The following ENTPD5 variants were observed in gnomAD, a reference collection of about 807,000 sequenced individuals.
ENTPD5 encodes ectonucleoside triphosphate diphosphohydrolase 5 (inactive).
Under a neutral mutation model 60.2 loss-of-function variants are expected in ENTPD5, and 49 were observed. That is an observed-to-expected ratio of 0.81 (90% CI 0.65 to 1.03). The LOEUF (loss-of-function observed/expected upper bound fraction) is 1.03. Among genes scored for constraint, ENTPD5 ranks in the 50% least tolerant of loss-of-function variants. The pLI is 0.00. For missense variants in ENTPD5, 480 were observed against 507.6 expected (o/e 0.95, Z 0.52); for synonymous variants, 187 against 185.4 (o/e 1.01, Z -0.07).
chr14:73,982,982 G>C, intron 6 of ENTPD5, 36 bp downstream of exon 6: 1 of 1,603,316 alleles, frequency 6.2e-7, no homozygotes, highest in Non-Finnish European at 8.5e-7. Flanking sequence ...ATAGGGAAAA[G>C]GGCAGAATGA....
intron 14 of ENTPD5, 81 bp from the exon 15 acceptor site, chr14:73,970,206 TA>T (rs2057161792): frequency 9.7e-7 from 1 of 1,035,058 alleles, no homozygotes; most frequent in Non-Finnish European, 1.5e-6. Flanking sequence ...AGAAGTGGAA[TA>T]GGGGCCAGGC....
At chr14:73,959,815 C>G (rs1038679922), downstream of ENTPD5, 1 of 1,287,754 alleles carries the variant, frequency 7.8e-7, no homozygotes, top group East Asian at 3.3e-5. Flanking sequence ...AGTGATCTGC[C>G]TGCCTTGGCC....
At chr14:73,972,848 C>T (rs770428643) in intron 13 of ENTPD5, 36 bp downstream of exon 13, 1 of 1,610,552 alleles carries the variant, frequency 6.2e-7, no homozygotes, top group South Asian at 1.1e-5. Flanking sequence ...GCCCTATCCA[C>T]CTTCCTCTCT....
chr14:73,962,976 A>G (rs751984476), downstream of ENTPD5: 4 of 1,609,254 alleles, frequency 2.5e-6, no homozygotes, highest in Admixed American at 6.7e-5. Context: ...CCAGGAACAG[A>G]TTATGGCCTT....
At chr14:73,984,706 ATTAAT>A (rs2057829002) in intron 5 of ENTPD5, among the ~76,000 whole-genome samples, 1 of 151,806 alleles carries the variant, frequency 6.6e-6, no homozygotes, top group East Asian at 1.9e-4. Context: ...TTTTTAATTA[ATTAAT>A]TTATTTATTT....
chr14:73,988,011 T>C lies in ENTPD5; in HGVS notation c.92A>G (p.Glu31Gly). The change falls in exon 4 of 16, where the codon GAG (glutamate) becomes GGG (glycine). Residue 31 changes from glutamate to glycine, a missense_variant. By Grantham distance (98) the Glu-to-Gly change is moderately conservative (BLOSUM62 -2). Transcript: ENST00000334696. ...VSHRNQQTWF[E>G]GIFLSSMCPI... Reference sequence around the variant, plus strand: ...GCACATGGAAGACAGGAAGATACCCTCAAACCAAGTCTGCTGGTTCCTGTG... The same window carrying C: ...GCACATGGAAGACAGGAAGATACCCCCAAACCAAGTCTGCTGGTTCCTGTG... The C allele has an allele frequency of 6.2e-7, 1 of 1,614,150 alleles. No individual in the cohort carries two copies. Among genetic ancestry groups the C allele is most frequent in the Non-Finnish European group, 8.5e-7 (1 of 1,180,038 alleles).
downstream of ENTPD5, chr14:73,959,561 G>T: frequency 6.2e-7 from 1 of 1,614,094 alleles, no homozygotes; most frequent in Non-Finnish European, 8.5e-7. Flanking sequence ...GTGCTGCAGG[G>T]GGAGATACAG....
chr14:74,016,711 A>G (rs552434413), intron 1 of ENTPD5, among the ~76,000 whole-genome samples: 16 of 152,360 alleles, frequency 1.1e-4, no homozygotes, highest in African/African-American at 3.8e-4. Flanking sequence ...GCATACATTA[A>G]TAATCTTGTT....
chr14:73,981,794 G>A (rs1335679349), intron 6 of ENTPD5, among the ~76,000 whole-genome samples: 23 of 139,254 alleles, frequency 1.7e-4, no homozygotes, highest in African/African-American at 5.8e-4. Context: ...AAGACAGAGT[G>A]AGACTCTGTT....
intron 11 of ENTPD5, among the ~76,000 whole-genome samples, 166 bp from the exon 12 acceptor site, chr14:73,974,144 G>T (rs964083766): frequency 1.3e-5 from 2 of 152,080 alleles, no homozygotes; most frequent in African/African-American, 4.8e-5. Context: ...CTTAACTCAG[G>T]GTTCAAAGAT....
intron 3 of ENTPD5, among the ~76,000 whole-genome samples, chr14:73,992,539 T>A (rs1312757279): frequency 6.7e-6 from 1 of 150,180 alleles, no homozygotes; most frequent in East Asian, 2.0e-4. Context: ...CAAAAAAAAA[T>A]TAGGCGTGGT....
intron 15 of ENTPD5, among the ~76,000 whole-genome samples, chr14:73,967,518 A>C (rs2057027056): frequency 6.6e-6 from 1 of 152,116 alleles, no homozygotes; most frequent in African/African-American, 2.4e-5. Context: ...ATAATAACCA[A>C]ACATGGGGCC....
intron 1 of ENTPD5, among the ~76,000 whole-genome samples, chr14:74,018,105 C>T (rs2059107752): frequency 6.6e-6 from 1 of 151,268 alleles, no homozygotes; most frequent in Non-Finnish European, 1.5e-5. Flanking sequence ...TCGCTTGAAC[C>T]AAGGAGGTGG....
chr14:73,985,900 C>T (rs1041271198), intron 5 of ENTPD5, among the ~76,000 whole-genome samples: 7 of 151,770 alleles, frequency 4.6e-5, no homozygotes, highest in East Asian at 1.9e-4. Flanking sequence ...AGTGAAACCC[C>T]GTCTCTACTA....
intron 3 of ENTPD5, among the ~76,000 whole-genome samples, chr14:74,001,987 A>G (rs905785640): frequency 2.6e-5 from 4 of 152,306 alleles, no homozygotes; most frequent in African/African-American, 9.6e-5. Flanking sequence ...GATTGTGGTC[A>G]AAGAAACATA....
In ENTPD5 at chr14:73,986,701, T is replaced by C; in HGVS notation, c.297+113A>G. ...AGATTAGCTGAGGAGAGAAAGCTGA[T>C]CTCACACATGATCTCAATCTCATTA... On this transcript the variant is annotated intron_variant, in intron 5 of 15. Coordinates refer to ENST00000334696, the MANE Select transcript of ENTPD5 (RefSeq NM_001249.5). 3 of 768,618 alleles carry C rather than the reference T, an allele frequency of 3.9e-6. No individual in the cohort carries two copies. In the South Asian group the frequency reaches 4.9e-5, roughly 13 times the overall value. The allele number at this position is 768,618 out of a possible 1,614,324, so 47.6% of individuals were successfully genotyped here.
intron 6 of ENTPD5, among the ~76,000 whole-genome samples, chr14:73,980,836 GCCT>G (rs2057656461): frequency 6.6e-6 from 1 of 152,168 alleles, no homozygotes; most frequent in Non-Finnish European, 1.5e-5. Flanking sequence ...AATGGCTCAT[GCCT>G]GTAATCCCAG....
intron 5 of ENTPD5, among the ~76,000 whole-genome samples, chr14:73,984,706 A>G (rs1261978733): frequency 1.3e-5 from 2 of 151,806 alleles, no homozygotes; most frequent in Admixed American, 1.3e-4. Context: ...TTTTTAATTA[A>G]TTAATTTATT....
chr14:73,962,852 T>G, downstream of ENTPD5: 2 of 890,146 alleles, frequency 2.2e-6, no homozygotes, highest in Non-Finnish European at 3.6e-6. Flanking sequence ...TTTTTCTTTT[T>G]TTAGCTGAAA....
Sources: allele counts gnomAD v4.1 joint callset (sites outside exome capture counted in the v4.1 genomes callset), GRCh38; gene constraint gnomAD v4.1.1; transcripts MANE v1.5; gene names NCBI Gene and HGNC (gene_info 2026-07-23, HGNC 2026-07-21).